The following TRAPPC11 variants were observed in gnomAD, a reference collection of about 807,000 sequenced individuals.
The protein encoded by TRAPPC11 is trafficking protein particle complex subunit 11.
TRAPPC11 carries 104 observed loss-of-function variants against 151.2 expected under a neutral mutation model. That is an observed-to-expected ratio of 0.69 (90% confidence interval 0.59 to 0.81). TRAPPC11 has a LOEUF of 0.81. Among genes scored for constraint, TRAPPC11 ranks in the 30% least tolerant of loss-of-function variants. The pLI, the probability that TRAPPC11 is intolerant of heterozygous loss-of-function variation, is 0.00. For synonymous variants in TRAPPC11, 456 were observed against 472.3 expected, an observed-to-expected ratio of 0.97 and a Z score of 0.45; for missense variants, 1,230 against 1,349.6, an observed-to-expected ratio of 0.91 and a Z score of 1.39.
chr4:183,665,195 T>C (rs75191675), intron 2 of TRAPPC11, among the ~76,000 whole-genome samples: 38,579 of 149,170 alleles, frequency 0.26, 5,921 homozygotes, highest in Non-Finnish European at 0.35. Flanking sequence ...CCTGGGTTCG[T>C]GCCATTCTCC....
At chr4:183,674,588 C>T (rs1361921344) in intron 5 of TRAPPC11, 125 bp from the exon 6 acceptor site, 2 of 506,996 alleles carry the variant, frequency 3.9e-6, no homozygotes, top group Non-Finnish European at 7.0e-6. Flanking sequence ...TTCACTTTGT[C>T]TTATTCATAA....
intron 5 of TRAPPC11, among the ~76,000 whole-genome samples, chr4:183,670,963 C>T (rs545936221): frequency 2.0e-4 from 31 of 152,254 alleles, no homozygotes; most frequent in African/African-American, 7.0e-4. Context: ...AACTCCTGAC[C>T]TCATGATCCA....
chr4:183,663,755 T>TTTAGA, intron 1 of TRAPPC11, 92 bp from the exon 2 acceptor site: 1 of 473,400 alleles, frequency 2.1e-6, no homozygotes, highest in Non-Finnish European at 3.7e-6. Flanking sequence ...TTTTTTTTTT[T>TTTAGA]GAGACAGAGT....
chr4:183,679,419 G>A lies in TRAPPC11; in HGVS notation c.898G>A (p.Asp300Asn), dbSNP rs138722849. The A allele has an allele frequency of 5.0e-6, 8 of 1,612,782 alleles. No homozygotes were observed. Among genetic ancestry groups the A allele is most frequent in the East Asian group, 2.2e-5 (1 of 44,768 alleles). Residue 300 changes from aspartate to asparagine, a missense_variant, in exon 9 of 30, where the codon GAC (aspartate) becomes AAC (asparagine). Physicochemically the swap from Asp to Asn is conservative, Grantham distance 23. Coordinates refer to ENST00000334690, the MANE Select transcript of TRAPPC11 (RefSeq NM_021942.6). ...AATTGCTCAGTTCCGAAAACACATCGACTTGTGTAAGAAAAAGATTGGAAG... is the reference window on the plus strand; with the variant it reads ...AATTGCTCAGTTCCGAAAACACATCAACTTGTGTAAGAAAAAGATTGGAAG... ...DAIAQFRKHI[D>N]LCKKKIGSAE...
intron 6 of TRAPPC11, 82 bp from the exon 7 acceptor site, chr4:183,675,082 T>C: frequency 1.4e-6 from 1 of 736,078 alleles, no homozygotes; most frequent in Non-Finnish European, 2.0e-6. Flanking sequence ...CTTCATTCTT[T>C]TATGTCTCCT....
chr4:183,703,974 C>T (rs1736923862), intron 26 of TRAPPC11, among the ~76,000 whole-genome samples: 1 of 152,180 alleles, frequency 6.6e-6, no homozygotes, highest in South Asian at 2.1e-4. Context: ...TGGGGCCCAC[C>T]TGTAAACCAT....
chr4:183,708,723 T>C, intron 29 of TRAPPC11, 149 bp downstream of exon 29: 2 of 641,418 alleles, frequency 3.1e-6, no homozygotes, highest in Non-Finnish European at 5.2e-6. Flanking sequence ...TTGCTGTTCA[T>C]TTCTATAGTT....
intron 23 of TRAPPC11, among the ~76,000 whole-genome samples, chr4:183,695,713 T>G (rs1345455331): frequency 6.6e-6 from 1 of 152,118 alleles, no homozygotes; most frequent in Non-Finnish European, 1.5e-5. Context: ...ATTTGGGGAT[T>G]TGTAGTTTTG....
chr4:183,710,652 A>G (rs1221390382), intron 29 of TRAPPC11, among the ~76,000 whole-genome samples: 2 of 152,062 alleles, frequency 1.3e-5, no homozygotes, highest in Admixed American at 1.3e-4. Context: ...TACAGATACC[A>G]CTTTCTAGCA....
chr4:183,685,419 C>G lies in TRAPPC11; in HGVS notation c.1762+16C>G, dbSNP rs1218142520. 6.8e-6 allele frequency: 11 copies of G among 1,606,560 alleles called. No homozygotes were observed. Among genetic ancestry groups the G allele is most frequent in the Non-Finnish European group, 8.5e-6 (10 of 1,173,726 alleles). On this transcript the variant is annotated intron_variant, in intron 17 of 29. Coordinates refer to ENST00000334690, the MANE Select transcript of TRAPPC11 (RefSeq NM_021942.6). ...GTGCCATTTGGTAGGTAGCTAACAT[C>G]TACAGTACTATTTCAGAGAAATTGT...
chr4:183,682,960 G>GT, intron 11 of TRAPPC11, 135 bp downstream of exon 11: 4 of 653,994 alleles, frequency 6.1e-6, no homozygotes, highest in Non-Finnish European at 5.4e-6. Flanking sequence ...CATTGTTTTT[G>GT]TTTTTAGAAT....
At position 183,692,953 on chromosome 4, in the gene TRAPPC11, T is replaced by C. The variant is rs1240542328; in HGVS notation, c.2050-7T>C. ...GACATTTCCAACATCCTTTTTTTTCTTTTTAGATTACTTCAGTGGATCTTG... is the reference window on the plus strand; with the variant it reads ...GACATTTCCAACATCCTTTTTTTTCCTTTTAGATTACTTCAGTGGATCTTG... On this transcript the variant is annotated splice_region_variant and splice_polypyrimidine_tract_variant and intron_variant, in intron 19 of 29. Coordinates refer to ENST00000334690, the MANE Select transcript of TRAPPC11 (RefSeq NM_021942.6). 6 of 1,587,302 alleles carry C rather than the reference T, an allele frequency of 3.8e-6. No individual in the cohort carries two copies. Among genetic ancestry groups the C allele is most frequent in the Non-Finnish European group, 5.1e-6 (6 of 1,166,638 alleles).
intron 27 of TRAPPC11, 58 bp downstream of exon 27, chr4:183,705,128 C>A: frequency 1.7e-6 from 2 of 1,193,024 alleles, no homozygotes; most frequent in Non-Finnish European, 2.4e-6. Context: ...GTTATTTTAA[C>A]CTCTAAGAGT....
At chr4:183,706,750 G>C in intron 27 of TRAPPC11, 57 bp from the exon 28 acceptor site, 1 of 1,565,386 alleles carries the variant, frequency 6.4e-7, no homozygotes, top group Non-Finnish European at 8.7e-7. Flanking sequence ...ACAAAACGAA[G>C]CCATAAGTGG....
At chr4:183,673,727 T>G (rs1735270887) in intron 5 of TRAPPC11, among the ~76,000 whole-genome samples, 1 of 152,216 alleles carries the variant, frequency 6.6e-6, no homozygotes, top group Non-Finnish European at 1.5e-5. Context: ...TGAAATATCT[T>G]AACCTAGAAA....
At chr4:183,659,835 C>T (rs1489626090) in intron 1 of TRAPPC11, among the ~76,000 whole-genome samples, 1 of 152,152 alleles carries the variant, frequency 6.6e-6, no homozygotes, top group African/African-American at 2.4e-5. Context: ...AGTTGAACAT[C>T]TCTGAATCCC....
chr4:183,707,114 C>T, intron 28 of TRAPPC11, among the ~76,000 whole-genome samples, 174 bp downstream of exon 28: 1 of 152,024 alleles, frequency 6.6e-6, no homozygotes, highest in East Asian at 1.9e-4. Flanking sequence ...GGTGGGTTAC[C>T]CTTGTCACAT....
At chr4:183,707,893 TA>T (rs1211726551) in intron 28 of TRAPPC11, among the ~76,000 whole-genome samples, 2 of 152,272 alleles carry the variant, frequency 1.3e-5, no homozygotes, top group African/African-American at 4.8e-5. Flanking sequence ...GTATACTTTT[TA>T]AAAGTATTGT....
In TRAPPC11 at chr4:183,693,573, A is replaced by G. The variant is rs201825104; in HGVS notation, c.2238-16A>G. The G allele has an allele frequency of 4.3e-5, 69 of 1,588,760 alleles. No individual in the cohort carries two copies. The highest frequency in any genetic ancestry group is 5.7e-5 in the Non-Finnish European group (67 of 1,172,848). On this transcript the variant is annotated splice_polypyrimidine_tract_variant and intron_variant, in intron 20 of 29. Coordinates refer to ENST00000334690, the MANE Select transcript of TRAPPC11 (RefSeq NM_021942.6). Reference sequence around the variant, plus strand: ...TTTTTTTTGATCAGTTACTTAGCTAAGGTTTCTTTTCAAAGGATCATATCC... The same window carrying G: ...TTTTTTTTGATCAGTTACTTAGCTAGGGTTTCTTTTCAAAGGATCATATCC...
Sources: gnomAD v4.1 joint callset for allele counts (sites outside exome capture counted in the v4.1 genomes callset) on GRCh38, gnomAD v4.1.1 for gene constraint, MANE v1.5 for transcripts, NCBI Gene and HGNC (gene_info 2026-07-23, HGNC 2026-07-21) for gene names.